The following HECW1 variants were observed in gnomAD, a reference collection of about 807,000 sequenced individuals.
HECW1 encodes HECT, C2 and WW domain containing E3 ubiquitin protein ligase 1, also known as E3 ubiquitin-protein ligase HECW1.
In HECW1, 61 loss-of-function variants were observed where a neutral mutation model predicts 182.3. The observed-to-expected ratio is 0.33, with a 90% CI of 0.27 to 0.41. HECW1 has a LOEUF of 0.41. Among genes scored for constraint, HECW1 ranks in the 10% least tolerant of loss-of-function variants. The pLI is 1.00. For synonymous variants in HECW1, 859 were observed against 832.6 expected (o/e 1.03, Z -0.55); for missense variants, 1,739 against 2,108.9 (o/e 0.82, Z 3.44).
chr7:43,396,799 T>G lies in HECW1; in HGVS notation c.556-15T>G. On this transcript the variant is annotated splice_polypyrimidine_tract_variant and intron_variant, in intron 6 of 29. Transcript: ENST00000395891. ...TGCTTGTTTTGTTTGTCTCCCATTT[T>G]CCTTCTTTTTACAGATTTTTAAAAG... 1 of 1,589,180 alleles carries G rather than the reference T, an allele frequency of 6.3e-7. No individual in the cohort carries two copies. Among genetic ancestry groups the G allele is most frequent in the Non-Finnish European group, 8.6e-7 (1 of 1,158,848 alleles).
intron 2 of HECW1, among the ~76,000 whole-genome samples, chr7:43,164,267 T>C (rs534343035): frequency 6.6e-6 from 1 of 152,218 alleles, no homozygotes; most frequent in South Asian, 2.1e-4. Context: ...CATTGGCACT[T>C]AATAGTTATT....
rs1784865372 is a variant in HECW1 at position 43,114,248 on chromosome 7, A to G, written c.-175A>G. On this transcript the variant is annotated 5_prime_UTR_variant, in exon 2 of 30. Transcript: ENST00000395891. ...CATCTTCTCTCTTTTCCTGGGATTT[A>G]AACGCGATTTAGGAGGGCAGATGCC... 7.3e-7 allele frequency: 1 copy of G among 1,363,134 alleles called. No individual in the cohort carries two copies. The highest frequency in any genetic ancestry group is 1.2e-5 in the South Asian group (1 of 81,318). 84.4% of individuals were successfully genotyped at this position (1,363,134 alleles called of 1,614,324 possible). A position where few individuals can be genotyped will look rare whatever the true frequency, so the allele number is the denominator to read the frequency against.
At chr7:43,450,241 C>T (rs893501923) in intron 11 of HECW1, among the ~76,000 whole-genome samples, 1 of 152,096 alleles carries the variant, frequency 6.6e-6, no homozygotes, top group Non-Finnish European at 1.5e-5. Context: ...CCTTGGCTCC[C>T]CTCCCCAACC....
intron 24 of HECW1, among the ~76,000 whole-genome samples, chr7:43,526,157 T>C (rs1410787963): frequency 6.6e-6 from 1 of 152,230 alleles, no homozygotes; most frequent in Non-Finnish European, 1.5e-5. Flanking sequence ...CTTCAGGTAT[T>C]TCTGGTATCC....
chr7:43,251,371 G>A lies in HECW1; in HGVS notation c.27+7439G>A, dbSNP rs189360238. Among the ~76,000 whole-genome samples the A allele has an allele frequency of 2.3e-3, 349 of 152,104 alleles. 1 individual carries two copies. The highest frequency in any genetic ancestry group is 5.6e-3 in the South Asian group (27 of 4,818). On this transcript the variant is annotated intron_variant, in intron 3 of 29. Transcript: ENST00000395891. ...ATCACCCAGACTGGAGTGCGATAGC[G>A]CGGCCTTGGCTCACTGCAACTTCCG...
In HECW1 at chr7:43,266,429, G is replaced by A. The variant is rs139993116; in HGVS notation, c.27+22497G>A. 3.2e-3 allele frequency among the ~76,000 whole-genome samples: 482 copies of A among 152,238 alleles called. 3 individuals carry two copies. Among genetic ancestry groups the A allele is most frequent in the African/African-American group, 0.011 (455 of 41,538 alleles). On this transcript the variant is annotated intron_variant, in intron 3 of 29. Coordinates refer to ENST00000395891, the MANE Select transcript of HECW1 (RefSeq NM_015052.5). ...TGGCTCACTGCGTCCTCCGCCTCCC[G>A]GGTTCAAGCAATTCTCTGCCTCAGC...
chr7:43,181,922 G>A (rs1792900983), intron 2 of HECW1, among the ~76,000 whole-genome samples: 1 of 150,442 alleles, frequency 6.6e-6, no homozygotes, highest in Non-Finnish European at 1.5e-5. Flanking sequence ...CGAGTAGCTG[G>A]GACTACAGGT....
chr7:43,384,868 A>G (rs888948765), intron 6 of HECW1, among the ~76,000 whole-genome samples: 3 of 152,142 alleles, frequency 2.0e-5, no homozygotes, highest in African/African-American at 7.2e-5. Context: ...CACACTTCCT[A>G]TGATTTCATT....
chr7:43,159,236 A>G (rs1309292654), intron 2 of HECW1, among the ~76,000 whole-genome samples: 1 of 150,686 alleles, frequency 6.6e-6, no homozygotes, highest in South Asian at 2.1e-4. Flanking sequence ...CACAATGTGC[A>G]GGTTTGATAT....
intron 22 of HECW1, 47 bp from the exon 23 acceptor site, chr7:43,507,971 G>A: frequency 7.4e-7 from 1 of 1,346,474 alleles, no homozygotes. Context: ...ACCCTGTCCA[G>A]CATCCTGACT....
chr7:43,418,164 G>T (rs1280523252), intron 8 of HECW1, among the ~76,000 whole-genome samples: 2 of 152,070 alleles, frequency 1.3e-5, no homozygotes, highest in Non-Finnish European at 2.9e-5. Context: ...TCTTCTTAGA[G>T]GGACATCAGT....
intron 25 of HECW1, 42 bp downstream of exon 25, chr7:43,541,303 G>GA: frequency 2.0e-6 from 3 of 1,471,374 alleles, no homozygotes; most frequent in Non-Finnish European, 2.9e-6. Context: ...AGCCCTGTCT[G>GA]CAGGGCAAGG....
intron 2 of HECW1, among the ~76,000 whole-genome samples, chr7:43,172,242 C>G (rs554682394): frequency 6.6e-6 from 1 of 151,644 alleles, no homozygotes; most frequent in Non-Finnish European, 1.5e-5. Context: ...TGCAGTGAGC[C>G]GAGATTGCGC....
intron 3 of HECW1, among the ~76,000 whole-genome samples, chr7:43,270,382 T>A (rs1802265603): frequency 6.6e-6 from 1 of 152,206 alleles, no homozygotes; most frequent in African/African-American, 2.4e-5. Flanking sequence ...AACTGTCAGA[T>A]GGAGGTATCA....
At chr7:43,271,956 A>C (rs1584269923) in intron 3 of HECW1, among the ~76,000 whole-genome samples, 4 of 152,248 alleles carry the variant, frequency 2.6e-5, no homozygotes, top group African/African-American at 9.6e-5. Context: ...CTGTGTTATA[A>C]GGCTACAGTA....
intron 8 of HECW1, among the ~76,000 whole-genome samples, chr7:43,422,365 GTTGT>G (rs2076210299): frequency 9.4e-6 from 1 of 106,384 alleles, no homozygotes; most frequent in Non-Finnish European, 1.7e-5. Flanking sequence ...TTTGGTTGTT[GTTGT>G]TTTTTTTTTT....
chr7:43,535,077 A>T (rs1192323131), intron 24 of HECW1, among the ~76,000 whole-genome samples: 2 of 152,238 alleles, frequency 1.3e-5, no homozygotes, highest in Non-Finnish European at 2.9e-5. Context: ...CACACAGGTC[A>T]CAAGATCCAA....
At chr7:43,190,320 G>A (rs1366162631) in intron 2 of HECW1, among the ~76,000 whole-genome samples, 1 of 152,144 alleles carries the variant, frequency 6.6e-6, no homozygotes, top group Non-Finnish European at 1.5e-5. Context: ...TACCATGTTG[G>A]TCAGGCTGGT....
intron 17 of HECW1, among the ~76,000 whole-genome samples, chr7:43,480,674 C>T (rs1176191991): frequency 7.2e-6 from 1 of 138,612 alleles, no homozygotes; most frequent in African/African-American, 2.5e-5. Flanking sequence ...TATACACACA[C>T]ATATATACGC....
Sources: allele counts gnomAD v4.1 joint callset (sites outside exome capture counted in the v4.1 genomes callset), GRCh38; gene constraint gnomAD v4.1.1; transcripts MANE v1.5; gene names NCBI Gene and HGNC (gene_info 2026-07-23, HGNC 2026-07-21).